PPP6R2: variants seen among roughly 807,000 people sequenced by gnomAD.
The protein encoded by PPP6R2 is protein phosphatase 6 regulatory subunit 2.
PPP6R2 carries 62 observed loss-of-function variants against 100.2 expected under a neutral mutation model. That is an observed-to-expected ratio of 0.62 (90% CI 0.50 to 0.76). PPP6R2 has a LOEUF of 0.76. Ranked by LOEUF, PPP6R2 falls within the 30% of genes least tolerant of loss-of-function variation. The pLI is 0.00. For synonymous variants in PPP6R2, 525 were observed against 514.7 expected (o/e 1.02, Z -0.27); for missense variants, 1,142 against 1,276.3 (o/e 0.89, Z 1.60).
At chr22:50,376,310 A>G (rs2051538822) in intron 2 of PPP6R2, among the ~76,000 whole-genome samples, 1 of 151,890 alleles carries the variant, frequency 6.6e-6, no homozygotes, top group Admixed American at 6.6e-5. Context: ...ACAAAGTGAA[A>G]CCTTGTCTCA....
intron 1 of PPP6R2, among the ~76,000 whole-genome samples, chr22:50,360,290 A>G (rs921868512): frequency 1.3e-5 from 2 of 150,032 alleles, no homozygotes; most frequent in Non-Finnish European, 3.0e-5. Flanking sequence ...TGACCTCATG[A>G]TCTGCCTGCC....
chr22:50,441,089 C>T, intron 22 of PPP6R2, 63 bp downstream of exon 22: 1 of 1,347,386 alleles, frequency 7.4e-7, no homozygotes, highest in Non-Finnish European at 1.0e-6. Context: ...CAGGCTCTGT[C>T]CCCAGGTCTC....
the PPP6R2 span, among the ~76,000 whole-genome samples, chr22:50,336,752 G>A: frequency 6.6e-6 from 1 of 151,462 alleles, no homozygotes; most frequent in Non-Finnish European, 1.5e-5. Flanking sequence ...TGTCACTCAG[G>A]TTGCAGTACA....
At chr22:50,407,926 A>C (rs912270845) in intron 4 of PPP6R2, among the ~76,000 whole-genome samples, 3 of 152,120 alleles carry the variant, frequency 2.0e-5, no homozygotes, top group Non-Finnish European at 4.4e-5. Flanking sequence ...CACTACGCCC[A>C]GGCTAGAGTC....
intron 1 of PPP6R2, among the ~76,000 whole-genome samples, chr22:50,356,331 G>A (rs1416888643): frequency 1.4e-5 from 2 of 143,380 alleles, no homozygotes; most frequent in Non-Finnish European, 3.0e-5. Flanking sequence ...TTGAGAGGGT[G>A]TCACTCTGTC....
At chr22:50,415,371 A>G (rs932199575) in intron 5 of PPP6R2, among the ~76,000 whole-genome samples, 1 of 152,212 alleles carries the variant, frequency 6.6e-6, no homozygotes, top group Non-Finnish European at 1.5e-5. Flanking sequence ...ATGCTTCCTC[A>G]GGGAGGAGCT....
intron 1 of PPP6R2, among the ~76,000 whole-genome samples, chr22:50,369,526 C>A (rs2049518888): frequency 6.6e-6 from 1 of 151,900 alleles, no homozygotes; most frequent in Non-Finnish European, 1.5e-5. Context: ...TCACTGCAGC[C>A]TTTTATTTTA....
chr22:50,360,373 GAGAC>G (rs2047547688), intron 1 of PPP6R2, among the ~76,000 whole-genome samples: 1 of 143,226 alleles, frequency 7.0e-6, no homozygotes, highest in Non-Finnish European at 1.5e-5. Flanking sequence ...TTTTTTAAGA[GAGAC>G]AGGGTCTCCT....
chr22:50,441,531 A>G (rs1380160332), intron 22 of PPP6R2, among the ~76,000 whole-genome samples: 7 of 152,158 alleles, frequency 4.6e-5, no homozygotes, highest in Non-Finnish European at 8.8e-5. Flanking sequence ...CGGGAGGCCT[A>G]TGATTCCGAG....
rs189962805 is a variant in PPP6R2 at position 50,366,602 on chromosome 22, C to T, written c.-147-5418C>T. 1.2e-4 allele frequency among the ~76,000 whole-genome samples: 19 copies of T among 152,238 alleles called. No homozygotes were observed. The East Asian group carries it at 3.1e-3, about 25-fold the overall frequency. ...TACAGGTGTGAGCCACCGCACCCGG[C>T]CCCTCTCATCTTTTTGAGTGATGCT... On this transcript the variant is annotated intron_variant, in intron 1 of 23. Coordinates refer to ENST00000612753, the MANE Select transcript of PPP6R2 (RefSeq NM_001242898.2).
chr22:50,373,436 C>T (rs1227504370), intron 2 of PPP6R2, among the ~76,000 whole-genome samples: 1 of 151,134 alleles, frequency 6.6e-6, no homozygotes, highest in Non-Finnish European at 1.5e-5. Context: ...GTAGAGACGG[C>T]ATTTCACCAT....
chr22:50,423,563 A>T lies in PPP6R2; in HGVS notation c.1074A>T (p.Thr358=). 1 of 1,614,078 alleles carries T rather than the reference A, an allele frequency of 6.2e-7. No individual in the cohort carries two copies. Among genetic ancestry groups the T allele is most frequent in the Non-Finnish European group, 8.5e-7 (1 of 1,180,022 alleles). ...RLMAALLHTN[T]PSINQELCRL... is the part of the protein sequence containing the mutation. ...TGGCAGCACTGCTGCACACAAACACACCCAGCATCAACCAGGAGCTCTGCC... is the reference window on the plus strand; with the variant it reads ...TGGCAGCACTGCTGCACACAAACACTCCCAGCATCAACCAGGAGCTCTGCC... Residue 358 remains threonine, a synonymous_variant, in exon 10 of 24, where the codon ACA becomes ACT. Transcript: ENST00000612753. This position sits in a 1 kb window ranked among gnomAD's most constrained non-coding sequence, Gnocchi z 4.8.
intron 13 of PPP6R2, among the ~76,000 whole-genome samples, chr22:50,435,360 G>A (rs893219846): frequency 1.2e-4 from 18 of 152,228 alleles, no homozygotes; most frequent in Non-Finnish European, 2.5e-4. Flanking sequence ...TGGTGACTCC[G>A]GAGCTGGCAC....
intron 2 of PPP6R2, among the ~76,000 whole-genome samples, chr22:50,390,326 T>C (rs563070153): frequency 1.9e-4 from 29 of 152,116 alleles, no homozygotes; most frequent in African/African-American, 6.7e-4. Context: ...ATTTTAAATA[T>C]AAAGGCACAA....
Position 50,438,775 on chromosome 22 carries a change from G to C in PPP6R2, c.2128+13G>C. On this transcript the variant is annotated intron_variant, in intron 19 of 23. Transcript: ENST00000612753. ...GGTGACTCAGAAGGTGGTGCTGGGCGCCAGGGGCTGGGAGTGTGGGTATCG... is the reference window on the plus strand; with the variant it reads ...GGTGACTCAGAAGGTGGTGCTGGGCCCCAGGGGCTGGGAGTGTGGGTATCG... 1 of 1,580,252 alleles carries C rather than the reference G, an allele frequency of 6.3e-7. No individual in the cohort carries two copies. The highest frequency in any genetic ancestry group is 1.3e-5 in the African/African-American group (1 of 74,292).
intron 4 of PPP6R2, among the ~76,000 whole-genome samples, chr22:50,412,093 GA>G (rs2147350247): frequency 6.6e-6 from 1 of 152,206 alleles, no homozygotes; most frequent in African/African-American, 2.4e-5. Context: ...CTCCAATGGT[GA>G]CATTTTCTAA....
At chr22:50,339,555 TG>T (rs2042345612), upstream of PPP6R2, among the ~76,000 whole-genome samples, 1 of 102,572 alleles carries the variant, frequency 9.7e-6, no homozygotes, top group Non-Finnish European at 2.0e-5. Context: ...GGTGTGTGTG[TG>T]GTGTGTGTGG....
chr22:50,400,151 G>A (rs1212851251), intron 3 of PPP6R2, among the ~76,000 whole-genome samples: 4 of 152,222 alleles, frequency 2.6e-5, no homozygotes, highest in African/African-American at 9.6e-5. Context: ...CTGCCGCAGA[G>A]AGACTTGCTG....
At chr22:50,414,207 C>T (rs1038852071) in intron 4 of PPP6R2, among the ~76,000 whole-genome samples, 5 of 151,902 alleles carry the variant, frequency 3.3e-5, no homozygotes, top group Non-Finnish European at 7.4e-5. Context: ...CTATACCATT[C>T]GTTTCTGTTG....
Sources: allele counts gnomAD v4.1 joint callset (sites outside exome capture counted in the v4.1 genomes callset), GRCh38; gene constraint gnomAD v4.1.1; non-coding constraint Gnocchi (gnomAD v3.1); transcripts MANE v1.5; gene names NCBI Gene and HGNC (gene_info 2026-07-23, HGNC 2026-07-21).